SHLD2: variants seen among roughly 807,000 people sequenced by gnomAD.
The protein encoded by SHLD2 is RINN1-REV7-interacting novel NHEJ regulator 2.
A neutral mutation model predicts 73.2 loss-of-function variants in SHLD2; 30 were observed. That is an observed-to-expected ratio of 0.41 (90% CI 0.31 to 0.56). The LOEUF is 0.56. SHLD2 is among the 20% of genes least tolerant of loss of function. The pLI is 0.28. For synonymous variants in SHLD2, 285 were observed against 370.1 expected, an observed-to-expected ratio of 0.77 and a Z score of 2.64; for missense variants, 745 against 1,055.9, an observed-to-expected ratio of 0.71 and a Z score of 4.08.
rs1309093837 is a variant in SHLD2 at position 87,187,168 on chromosome 10, A to T, written c.2483A>T (p.Asn828Ile). ...ESKLIEKILLNISADCLNRVI... is the reference protein window; with the variant it reads ...ESKLIEKILLIISADCLNRVI... Reference sequence around the variant, plus strand: ...AAGCTGATAGAGAAGATTCTTCTCAACATTTCTGCAGACTGCCTCAACAGA... The same window carrying T: ...AAGCTGATAGAGAAGATTCTTCTCATCATTTCTGCAGACTGCCTCAACAGA... Residue 828 changes from asparagine (N) to isoleucine (I), a missense_variant, in exon 9 of 10, where the codon AAC becomes ATC. Asn to Ile is a moderately radical substitution (Grantham distance 149). This residue lies in a region of SHLD2 where 418 missense variants were observed against 567.8 expected (regional missense o/e 0.74). Transcript: ENST00000298786. 6.2e-7 allele frequency: 1 copy of T among 1,612,194 alleles called. No homozygotes were observed. Among genetic ancestry groups the T allele is most frequent in the Admixed American group, 1.7e-5 (1 of 60,008 alleles).
At chr10:87,185,931 C>T (rs1432917560) in intron 8 of SHLD2, among the ~76,000 whole-genome samples, 2 of 152,126 alleles carry the variant, frequency 1.3e-5, no homozygotes, top group Non-Finnish European at 2.9e-5. Flanking sequence ...TGGTCTCAAA[C>T]TCCTGGCCTC....
At chr10:87,154,604 C>T (rs1319978485) in intron 3 of SHLD2, among the ~76,000 whole-genome samples, 2 of 151,972 alleles carry the variant, frequency 1.3e-5, no homozygotes, top group African/African-American at 4.8e-5. Context: ...TGGTTTCGAA[C>T]TCCTGTCCTC....
At chr10:87,127,604 C>T (rs930640687) in intron 2 of SHLD2, among the ~76,000 whole-genome samples, 2 of 144,060 alleles carry the variant, frequency 1.4e-5, no homozygotes, top group African/African-American at 5.1e-5. Context: ...CATTAGAGGC[C>T]TTGAATGTTT....
Position 87,187,081 on chromosome 10 carries a change from G to A in SHLD2, c.2400-4G>A, listed in dbSNP as rs199532006. 318 of 1,586,910 alleles carry A rather than the reference G, an allele frequency of 2.0e-4. 1 individual carries two copies. Among genetic ancestry groups the A allele is most frequent in the Admixed American group, 2.0e-4 (12 of 59,864 alleles). On this transcript the variant is annotated splice_polypyrimidine_tract_variant and splice_region_variant and intron_variant, in intron 8 of 9. Transcript: ENST00000298786. Reference sequence around the variant, plus strand: ...AAGGTCGTGTGTTGTTTACTCTTTTGTAGGCCAGCGTTAATGACTGCCATT... The same window carrying A: ...AAGGTCGTGTGTTGTTTACTCTTTTATAGGCCAGCGTTAATGACTGCCATT...
At chr10:87,150,251 G>A (rs1037929941) in intron 2 of SHLD2, among the ~76,000 whole-genome samples, 2 of 151,186 alleles carry the variant, frequency 1.3e-5, no homozygotes, top group African/African-American at 4.9e-5. Context: ...TTTTAGTAGA[G>A]ATGGGGTTTT....
chr10:87,125,814 C>A (rs1266816918), intron 2 of SHLD2, among the ~76,000 whole-genome samples: 1 of 152,128 alleles, frequency 6.6e-6, no homozygotes, highest in Non-Finnish European at 1.5e-5. Flanking sequence ...GTAATCCCAA[C>A]TACTCGGGAG....
At chr10:87,104,243 GAA>G (rs200425745) in intron 2 of SHLD2, among the ~76,000 whole-genome samples, 22 of 124,174 alleles carry the variant, frequency 1.8e-4, no homozygotes, top group East Asian at 1.5e-3. Context: ...TCTCAAAAAA[GAA>G]AAAAAAAAAA....
intron 2 of SHLD2, among the ~76,000 whole-genome samples, chr10:87,135,761 A>C (rs1844760382): frequency 6.6e-6 from 1 of 151,160 alleles, no homozygotes; most frequent in South Asian, 2.1e-4. Flanking sequence ...TCAGCCTCCC[A>C]AGTAGTTGGG....
intron 2 of SHLD2, among the ~76,000 whole-genome samples, chr10:87,097,943 A>G (rs1325844691): frequency 6.6e-6 from 1 of 151,692 alleles, no homozygotes; most frequent in Admixed American, 6.6e-5. Context: ...TGTATTTTTA[A>G]TAGAGACGAA....
intron 2 of SHLD2, among the ~76,000 whole-genome samples, chr10:87,098,224 C>T (rs1347641657): frequency 2.0e-5 from 3 of 151,946 alleles, no homozygotes; most frequent in African/African-American, 7.3e-5. Context: ...TTATTAGAAG[C>T]AGGGAGTGGC....
At chr10:87,121,822 T>G (rs1185913101) in intron 2 of SHLD2, among the ~76,000 whole-genome samples, 1 of 149,116 alleles carries the variant, frequency 6.7e-6, no homozygotes, top group Non-Finnish European at 1.5e-5. Flanking sequence ...TGGAGTACAG[T>G]GGTGTGATCT....
At chr10:87,128,088 A>G (rs1221400221) in intron 2 of SHLD2, among the ~76,000 whole-genome samples, 4 of 152,062 alleles carry the variant, frequency 2.6e-5, no homozygotes, top group South Asian at 4.1e-4. Flanking sequence ...CTCAAATGTT[A>G]TACAGTTTAA....
intron 2 of SHLD2, among the ~76,000 whole-genome samples, chr10:87,115,864 A>C (rs181092276): frequency 2.0e-5 from 3 of 152,292 alleles, no homozygotes; most frequent in Non-Finnish European, 2.9e-5. Flanking sequence ...GTAGAGAAGG[A>C]AGGAGTGATC....
At chr10:87,187,574 C>T (rs531985002) in intron 9 of SHLD2, among the ~76,000 whole-genome samples, 2 of 152,306 alleles carry the variant, frequency 1.3e-5, no homozygotes, top group East Asian at 1.9e-4. Context: ...TCTTAGTTGT[C>T]AGTGGCTAAG....
At chr10:87,127,538 C>CCG (rs1844114350) in intron 2 of SHLD2, among the ~76,000 whole-genome samples, 2 of 62,968 alleles carry the variant, frequency 3.2e-5, no homozygotes, top group African/African-American at 1.3e-4. Flanking sequence ...CGCCCCCCCC[C>CCG]ACCCCGTCTG....
Position 87,152,464 on chromosome 10 carries a change from C to G in SHLD2, c.1110C>G (p.Thr370=). ...SSGILCSQLN[T]FHKSAIKRSC... ...GAATACTGTGTTCCCAACTAAATAC[C>G]TTCCACAAAAGTGCTATTAAAAGAA... Residue 370 remains threonine (T), a synonymous_variant, in exon 3 of 10, where the codon ACC becomes ACG. Transcript: ENST00000298786. 6 of 1,610,892 alleles carry G rather than the reference C, an allele frequency of 3.7e-6. No individual in the cohort carries two copies. The highest frequency in any genetic ancestry group is 1.7e-5 in the Admixed American group (1 of 59,812).
intron 2 of SHLD2, among the ~76,000 whole-genome samples, chr10:87,120,869 G>T (rs1248523226): frequency 6.6e-6 from 1 of 151,828 alleles, no homozygotes; most frequent in Non-Finnish European, 1.5e-5. Context: ...GCCTCAATAT[G>T]GAGAAACCCT....
chr10:87,119,466 A>G (rs1843450285), intron 2 of SHLD2, among the ~76,000 whole-genome samples: 1 of 151,936 alleles, frequency 6.6e-6, no homozygotes, highest in Non-Finnish European at 1.5e-5. Flanking sequence ...GTATGTTCAA[A>G]ATCATGTGTA....
intron 2 of SHLD2, among the ~76,000 whole-genome samples, chr10:87,099,981 A>G (rs1170361051): frequency 6.6e-6 from 1 of 152,084 alleles, no homozygotes; most frequent in Non-Finnish European, 1.5e-5. Flanking sequence ...ATTGATTTGT[A>G]AGAGTTTTTT....
Sources: gnomAD v4.1 joint callset for allele counts (sites outside exome capture counted in the v4.1 genomes callset) on GRCh38, gnomAD v4.1.1 for gene constraint, gnomAD v4.1.1 regional missense constraint, MANE v1.5 for transcripts, NCBI Gene and HGNC (gene_info 2026-07-23, HGNC 2026-07-21) for gene names.